Variants in EDEM2 observed in about 807,000 individuals in gnomAD.
The protein encoded by EDEM2 is ER degradation-enhancing alpha-mannosidase-like protein 2.
EDEM2 carries 39 observed loss-of-function variants against 64.8 expected under a neutral mutation model. That is an observed-to-expected ratio of 0.60 (90% CI 0.47 to 0.79). The LOEUF (loss-of-function observed/expected upper bound fraction) is 0.79, where lower values mean the gene tolerates loss of function less well. EDEM2 is among the 30% of genes least tolerant of loss of function. The pLI is 0.00. For missense variants in EDEM2, 609 were observed against 731.3 expected, an observed-to-expected ratio of 0.83 and a Z score of 1.93; for synonymous variants, 296 against 291.5, an observed-to-expected ratio of 1.02 and a Z score of -0.16.
Position 35,138,950 on chromosome 20 carries a change from C to G in EDEM2, c.365-945G>C, listed in dbSNP as rs1267610424. 2.0e-5 allele frequency among the ~76,000 whole-genome samples: 3 copies of G among 151,970 alleles called. No homozygotes were observed. In the East Asian group the frequency reaches 5.8e-4, roughly 29 times the overall value. ...CAGCTAAATAGATATCCTGAGTGGCCCTCTCAATGAAAATAACTGGTGACC... is the reference window on the plus strand; with the variant it reads ...CAGCTAAATAGATATCCTGAGTGGCGCTCTCAATGAAAATAACTGGTGACC... On this transcript the variant is annotated intron_variant, in intron 4 of 10. Coordinates refer to ENST00000374492, the MANE Select transcript of EDEM2 (RefSeq NM_018217.3).
At chr20:35,134,224 G>C in intron 6 of EDEM2, 1 of 444,994 alleles carries the variant, frequency 2.2e-6, no homozygotes, top group Non-Finnish European at 4.5e-6. Flanking sequence ...AAGTTGAATA[G>C]ATTTCTTTAC....
Position 35,142,445 on chromosome 20 carries a change from C to A in EDEM2, c.292G>T (p.Val98Phe), listed in dbSNP as rs2085669304. The change falls in exon 4 of 11, where the codon GTT (valine) becomes TTT (phenylalanine). Residue 98 changes from valine (V) to phenylalanine (F), a missense_variant. Coordinates refer to ENST00000374492, the MANE Select transcript of EDEM2 (RefSeq NM_018217.3). The part of the protein sequence containing the change: ...LGNVSEFQRV[V>F]EVLQDSVDFD... ...TCCACGCTGTCCTGGAGCACTTCAA[C>A]CACTCTTTGGAATTCTGAGACATTC... 2 of 1,614,032 alleles carry A rather than the reference C, an allele frequency of 1.2e-6. No individual in the cohort carries two copies. The highest frequency in any genetic ancestry group is 1.7e-6 in the Non-Finnish European group (2 of 1,179,994).
chr20:35,115,615 T>C lies in EDEM2; in HGVS notation c.1555A>G (p.Thr519Ala), dbSNP rs1569172292. 4 of 1,613,954 alleles carry C rather than the reference T, an allele frequency of 2.5e-6. No homozygotes were observed. The highest frequency in any genetic ancestry group is 1.3e-5 in the African/African-American group (1 of 74,870). The change falls in exon 11 of 11, where the codon ACT becomes GCT. Residue 519 changes from threonine (T) to alanine (A), a missense_variant. Transcript: ENST00000374492. ...GGTTCCCATGGCCCCGAACTAACAGTGTTTTTCTGAAATTTCGACCTGCTC... is the reference window on the plus strand; with the variant it reads ...GGTTCCCATGGCCCCGAACTAACAGCGTTTTTCTGAAATTTCGACCTGCTC... ...KRSRSKFQKN[T>A]VSSGPWEPPA...
chr20:35,141,153 G>A (rs1223384815), intron 4 of EDEM2, among the ~76,000 whole-genome samples: 3 of 149,054 alleles, frequency 2.0e-5, no homozygotes, highest in Non-Finnish European at 3.0e-5. Flanking sequence ...AAAGAAGACG[G>A]CACAGAGAGC....
chr20:35,128,160 C>T (rs545447842), intron 7 of EDEM2, among the ~76,000 whole-genome samples: 3 of 151,746 alleles, frequency 2.0e-5, no homozygotes, highest in Non-Finnish European at 2.9e-5. Flanking sequence ...GCGAGGTGGG[C>T]GGATCACGAG....
intron 10 of EDEM2, 40 bp from the exon 11 acceptor site, chr20:35,115,973 C>T (rs2085305236): frequency 1.9e-6 from 3 of 1,589,798 alleles, no homozygotes; most frequent in South Asian, 2.3e-5. Context: ...AACACCATCA[C>T]AATTTAGTAG....
At chr20:35,130,067 T>C (rs1300065641) in intron 7 of EDEM2, among the ~76,000 whole-genome samples, 1 of 152,180 alleles carries the variant, frequency 6.6e-6, no homozygotes, top group Non-Finnish European at 1.5e-5. Context: ...TTCATTAAAT[T>C]TTTAAAAATT....
In EDEM2 at chr20:35,145,000, A is replaced by G; in HGVS notation, c.237T>C (p.Ile79=). The stretch of plus-strand genomic sequence containing the variant: ...TTACCAGCAAGGTGTCCAGTGCATC[A>G]ATTAGAGTCAGAGAAAAACTGCAAA... ...DTWGSFSLTL[I]DALDTLLILG... Residue 79 remains isoleucine, a synonymous_variant, in exon 3 of 11, where the codon ATT becomes ATC. Transcript: ENST00000374492. The G allele has an allele frequency of 6.2e-7, 1 of 1,614,074 alleles. No individual in the cohort carries two copies. The highest frequency in any genetic ancestry group is 8.5e-7 in the Non-Finnish European group (1 of 1,179,964).
At chr20:35,117,819 A>G (rs2085325709) in intron 10 of EDEM2, among the ~76,000 whole-genome samples, 1 of 152,032 alleles carries the variant, frequency 6.6e-6, no homozygotes, top group Admixed American at 6.6e-5. Context: ...TGACCCTTTC[A>G]ATCTATTCTT....
intron 1 of EDEM2, 48 bp downstream of exon 1, chr20:35,147,104 G>T (rs1317186026): frequency 6.3e-7 from 1 of 1,578,140 alleles, no homozygotes; most frequent in Non-Finnish European, 8.6e-7. Flanking sequence ...AAAGGACCGG[G>T]TTCACGCTTC....
chr20:35,139,536 G>C (rs557797282), intron 4 of EDEM2, among the ~76,000 whole-genome samples: 1 of 151,562 alleles, frequency 6.6e-6, no homozygotes, highest in Admixed American at 6.6e-5. Context: ...TGTAGTCCCA[G>C]CTACTCGGGA....
At chr20:35,131,856 C>T in intron 6 of EDEM2, 73 bp from the exon 7 acceptor site, 1 of 1,557,740 alleles carries the variant, frequency 6.4e-7, no homozygotes, top group Non-Finnish European at 8.7e-7. Flanking sequence ...ACCCCCAACC[C>T]TGACTGCCCA....
intron 4 of EDEM2, among the ~76,000 whole-genome samples, chr20:35,138,420 G>A (rs2085606928): frequency 6.6e-6 from 1 of 151,966 alleles, no homozygotes; most frequent in African/African-American, 2.4e-5. Flanking sequence ...TCTAGTAGGT[G>A]GTAGGGCTGA....
At chr20:35,116,186 T>C (rs553073994) in intron 10 of EDEM2, among the ~76,000 whole-genome samples, 17 of 152,124 alleles carry the variant, frequency 1.1e-4, no homozygotes, top group Non-Finnish European at 2.1e-4. Flanking sequence ...TTTTAAAAAA[T>C]AGGGACAGGG....
At chr20:35,142,527 G>A (rs150074155) in intron 3 of EDEM2, 49 bp from the exon 4 acceptor site, 322 of 1,417,900 alleles carry the variant, frequency 2.3e-4, no homozygotes, top group Non-Finnish European at 2.8e-4. Context: ...ATGCATGGAG[G>A]CAGATTCAGA....
rs890031481 is a variant in EDEM2, at chr20:35,128,251, C to T, written c.845-1876G>A. ...CAAAAAAATTAGCTGGGTGTGGTGG[C>T]GGGCGCCTGTAATCCCAGCTACTCG... On this transcript the variant is annotated intron_variant, in intron 7 of 10. Transcript: ENST00000374492. Among the ~76,000 whole-genome samples the T allele has an allele frequency of 1.6e-4, 24 of 151,664 alleles. No homozygotes were observed. The East Asian group carries it at 1.9e-3, about 12-fold the overall frequency.
intron 3 of EDEM2, 49 bp downstream of exon 3, chr20:35,144,930 T>C: frequency 6.3e-7 from 1 of 1,594,754 alleles, no homozygotes; most frequent in Non-Finnish European, 8.6e-7. Flanking sequence ...AGAGGAAGGA[T>C]GTTGGTTATG....
At chr20:35,123,770 G>A in intron 9 of EDEM2, 120 bp downstream of exon 9, 6 of 1,295,198 alleles carry the variant, frequency 4.6e-6, no homozygotes, top group Non-Finnish European at 6.3e-6. Context: ...GCCACTGAAA[G>A]GAACAGATGG....
intron 4 of EDEM2, among the ~76,000 whole-genome samples, chr20:35,140,759 A>G (rs900386509): frequency 1.3e-5 from 2 of 152,140 alleles, no homozygotes; most frequent in Non-Finnish European, 1.5e-5. Context: ...TAGTAAGAGG[A>G]AAATGGAATG....
Sources: gnomAD v4.1 joint callset for allele counts (sites outside exome capture counted in the v4.1 genomes callset) on GRCh38, gnomAD v4.1.1 for gene constraint, MANE v1.5 for transcripts, NCBI Gene and HGNC (gene_info 2026-07-23, HGNC 2026-07-21) for gene names.